USH2A: variants seen among roughly 807,000 people sequenced by gnomAD.
USH2A encodes the protein usherin.
A neutral mutation model predicts 538.9 loss-of-function variants in USH2A; 443 were observed. That is an observed-to-expected ratio of 0.82 (90% CI 0.76 to 0.89). The LOEUF (loss-of-function observed/expected upper bound fraction) is 0.89, where lower values mean the gene tolerates loss of function less well. Among genes scored for constraint, USH2A ranks in the 40% least tolerant of loss-of-function variants. The pLI is 0.00. For synonymous variants in USH2A, 2,413 were observed against 2,273.5 expected (o/e 1.06, Z -1.75); for missense variants, 6,633 against 6,324.8 (o/e 1.05, Z -1.65).
intron 30 of USH2A, among the ~76,000 whole-genome samples, chr1:216,060,600 T>A (rs2031144924): frequency 6.6e-6 from 1 of 152,234 alleles, no homozygotes. Context: ...CTATTATTTA[T>A]CATTTTACCT....
At chr1:215,777,795 G>A (rs973595926) in intron 55 of USH2A, among the ~76,000 whole-genome samples, 9 of 152,256 alleles carry the variant, frequency 5.9e-5, no homozygotes, top group Admixed American at 5.9e-4. Flanking sequence ...TGAATGCCTT[G>A]GATACGCTGA....
At position 216,232,058 on chromosome 1, in the gene USH2A, C is replaced by A. The variant is rs746196862; in HGVS notation, c.2888G>T (p.Cys963Phe). 2.5e-6 allele frequency: 4 copies of A among 1,613,952 alleles called. No homozygotes were observed. The African/African-American group carries it at 5.3e-5, about 22-fold the overall frequency. Residue 963 changes from cysteine to phenylalanine, a missense_variant, in exon 14 of 72, where the codon TGT becomes TTT. Physicochemically the swap from Cys to Phe is radical, Grantham distance 205 (BLOSUM62 -2). Transcript: ENST00000307340. The part of the protein sequence containing the change: ...CHTTGAVNHI[C>F]NSLTGQCVCQ... ...AACACACTGACCAGTCAGGCTATTA[C>A]AGATGTGATTAACTGCACCAGTTGT... is the stretch of plus-strand genomic sequence containing the variant.
chr1:215,750,535 T>G (rs776618174), intron 58 of USH2A, among the ~76,000 whole-genome samples: 6 of 152,194 alleles, frequency 3.9e-5, no homozygotes, highest in Non-Finnish European at 7.4e-5. Context: ...ATTATTCTAT[T>G]GGGTTACTGG....
chr1:215,731,893 T>C (rs1290182454), intron 60 of USH2A, among the ~76,000 whole-genome samples: 1 of 152,158 alleles, frequency 6.6e-6, no homozygotes, highest in Non-Finnish European at 1.5e-5. Context: ...AGGTTGGAGG[T>C]CCTGGCTCTG....
At chr1:216,231,259 A>ATATATATATATATTATATATATT (rs1491391548) in intron 14 of USH2A, among the ~76,000 whole-genome samples, 2 of 98,120 alleles carry the variant, frequency 2.0e-5, no homozygotes, top group African/African-American at 7.2e-5. Context: ...TTATATATAT[A>ATATATATATATATTATATATATT]ATATATATAT....
chr1:216,025,869 G>A (rs1351920622), intron 32 of USH2A, among the ~76,000 whole-genome samples: 2 of 151,962 alleles, frequency 1.3e-5, no homozygotes, highest in African/African-American at 4.8e-5. Context: ...AGCTACACAA[G>A]TGGCAGAAAG....
intron 30 of USH2A, among the ~76,000 whole-genome samples, chr1:216,057,681 C>T (rs553050926): frequency 6.6e-5 from 10 of 151,882 alleles, no homozygotes; most frequent in African/African-American, 2.4e-4. Context: ...AGCAAGATTC[C>T]ATCTCAAATT....
At chr1:216,105,708 G>A (rs1327621926) in intron 21 of USH2A, among the ~76,000 whole-genome samples, 1 of 152,008 alleles carries the variant, frequency 6.6e-6, no homozygotes, top group South Asian at 2.1e-4. Flanking sequence ...CAGGAAAATG[G>A]CTATTTTAAC....
chr1:215,875,230 G>T (rs1341845300), intron 43 of USH2A, among the ~76,000 whole-genome samples: 1 of 151,702 alleles, frequency 6.6e-6, no homozygotes, highest in African/African-American at 2.4e-5. Flanking sequence ...TAGAGGGCTA[G>T]AAAAAGAGAT....
At chr1:215,719,448 A>T (rs1408165091) in intron 61 of USH2A, among the ~76,000 whole-genome samples, 1 of 152,022 alleles carries the variant, frequency 6.6e-6, no homozygotes, top group Non-Finnish European at 1.5e-5. Context: ...GGAAAATTAC[A>T]GGGAAATTAA....
chr1:215,710,790 G>C (rs1316917686), intron 61 of USH2A, among the ~76,000 whole-genome samples: 1 of 151,888 alleles, frequency 6.6e-6, no homozygotes, highest in African/African-American at 2.4e-5. Flanking sequence ...TTAATTTTCT[G>C]AACGAGAATG....
chr1:216,095,801 TC>T (rs1488654475), intron 22 of USH2A, among the ~76,000 whole-genome samples: 1 of 152,272 alleles, frequency 6.6e-6, no homozygotes, highest in Admixed American at 6.5e-5. Context: ...GCCTTTTCTC[TC>T]TAAGGTCAAT....
intron 23 of USH2A, 22 bp from the exon 24 acceptor site, chr1:216,086,842 A>G: frequency 6.4e-7 from 1 of 1,559,284 alleles, no homozygotes; most frequent in Non-Finnish European, 8.8e-7. Flanking sequence ...GAGATGAGAA[A>G]TACACCTTCA....
intron 4 of USH2A, among the ~76,000 whole-genome samples, chr1:216,342,912 A>T (rs1278057014): frequency 1.3e-5 from 2 of 152,094 alleles, no homozygotes; most frequent in Admixed American, 6.6e-5. Flanking sequence ...TGACAGGTTG[A>T]TAGGTGCAGC....
In USH2A at chr1:216,046,539, G is replaced by A. The variant is rs917842598; in HGVS notation, c.6217C>T (p.Leu2073Phe). The part of the protein sequence containing the change: ...VAKSLPSSLL[L>F]SWNPPKKANG... Reference sequence around the variant, plus strand: ...GCCTTTTTGGGTGGGTTCCAGGAGAGCAGCAAAGAACTGGGAAGGGATTTG... The same window carrying A: ...GCCTTTTTGGGTGGGTTCCAGGAGAACAGCAAAGAACTGGGAAGGGATTTG... Residue 2073 changes from leucine to phenylalanine, a missense_variant, in exon 32 of 72, where the codon CTC becomes TTC. Coordinates refer to ENST00000307340, the MANE Select transcript of USH2A (RefSeq NM_206933.4). 6.2e-7 allele frequency: 1 copy of A among 1,613,800 alleles called. No individual in the cohort carries two copies. The highest frequency in any genetic ancestry group is 1.3e-5 in the African/African-American group (1 of 74,906).
intron 43 of USH2A, among the ~76,000 whole-genome samples, chr1:215,868,305 T>C (rs1664533902): frequency 6.6e-6 from 1 of 152,212 alleles, no homozygotes; most frequent in Admixed American, 6.5e-5. Flanking sequence ...GCCACCTAGG[T>C]AGAAGAAATC....
chr1:215,996,883 G>C (rs913687775), intron 34 of USH2A, among the ~76,000 whole-genome samples: 1 of 152,006 alleles, frequency 6.6e-6, no homozygotes, highest in African/African-American at 2.4e-5. Flanking sequence ...CAAGCCTAGG[G>C]TAAATCATAG....
chr1:216,133,657 GC>G (rs1278732523), intron 21 of USH2A, among the ~76,000 whole-genome samples: 1 of 151,996 alleles, frequency 6.6e-6, no homozygotes, highest in African/African-American at 2.4e-5. Flanking sequence ...CCTATTTAAT[GC>G]TCCACAAACC....
At chr1:215,781,991 T>A in intron 54 of USH2A, 51 bp downstream of exon 54, 1 of 1,611,138 alleles carries the variant, frequency 6.2e-7, no homozygotes, top group East Asian at 2.2e-5. Context: ...GATGTTCAGA[T>A]AATCTTCACA....
Sources: gnomAD v4.1 joint callset for allele counts (sites outside exome capture counted in the v4.1 genomes callset) on GRCh38, gnomAD v4.1.1 for gene constraint, MANE v1.5 for transcripts, NCBI Gene and HGNC (gene_info 2026-07-23, HGNC 2026-07-21) for gene names.